The following ATXN1 variants were observed in gnomAD, a reference collection of about 807,000 sequenced individuals.
The protein encoded by ATXN1 is ataxin 1, also known as ataxin-1.
A neutral mutation model predicts 56.4 loss-of-function variants in ATXN1; 8 were observed. That is an observed-to-expected ratio of 0.14 (90% CI 0.08 to 0.26). The LOEUF is 0.26. Ranked by LOEUF, ATXN1 falls within the 10% of genes least tolerant of loss-of-function variation. The pLI, the probability that ATXN1 is intolerant of heterozygous loss-of-function variation, is 1.00. For synonymous variants in ATXN1, 514 were observed against 494.6 expected, an observed-to-expected ratio of 1.04 and a Z score of -0.52; for missense variants, 987 against 1,106.5, an observed-to-expected ratio of 0.89 and a Z score of 1.53.
At chr6:16,308,996 A>T (rs1247202258) in intron 7 of ATXN1, among the ~76,000 whole-genome samples, 1 of 151,914 alleles carries the variant, frequency 6.6e-6, no homozygotes, top group Non-Finnish European at 1.5e-5. Flanking sequence ...GGAGGCTGAG[A>T]CAGGGAGGAT....
chr6:16,317,577 G>A (rs1027370246), intron 7 of ATXN1, among the ~76,000 whole-genome samples: 1 of 151,992 alleles, frequency 6.6e-6, no homozygotes, highest in Non-Finnish European at 1.5e-5. Context: ...CACCCACCTC[G>A]GCCTCCCAAA....
chr6:16,308,613 C>G (rs191425124), intron 7 of ATXN1, among the ~76,000 whole-genome samples: 1 of 152,252 alleles, frequency 6.6e-6, no homozygotes, highest in Non-Finnish European at 1.5e-5. Context: ...TTAGAGGAGA[C>G]AGTGAACCAC....
At chr6:16,433,182 C>T (rs1349322057) in intron 6 of ATXN1, 1 of 152,088 alleles carries the variant, frequency 6.6e-6, no homozygotes, top group African/African-American at 2.4e-5. Context: ...TAGACAATGT[C>T]CTATAGCCAT....
intron 3 of ATXN1, among the ~76,000 whole-genome samples, chr6:16,601,686 T>C (rs1395393651): frequency 6.6e-6 from 1 of 151,916 alleles, no homozygotes; most frequent in African/African-American, 2.4e-5. Flanking sequence ...CCATCTCTAC[T>C]AAAAAATACA....
At chr6:16,516,161 T>G (rs1761179998) in intron 5 of ATXN1, among the ~76,000 whole-genome samples, 2 of 152,244 alleles carry the variant, frequency 1.3e-5, no homozygotes, top group South Asian at 4.1e-4. Context: ...TATGTTGTTA[T>G]TTTTATTAAT....
At chr6:16,518,755 A>G (rs1286370194) in intron 5 of ATXN1, among the ~76,000 whole-genome samples, 1 of 152,200 alleles carries the variant, frequency 6.6e-6, no homozygotes, top group South Asian at 2.1e-4. Context: ...CTCTTACTTA[A>G]TAGTCCAAAA....
At chr6:16,319,025 T>A (rs574862888) in intron 7 of ATXN1, among the ~76,000 whole-genome samples, 2 of 152,154 alleles carry the variant, frequency 1.3e-5, no homozygotes, top group South Asian at 4.1e-4. Flanking sequence ...AAGAGCAGCC[T>A]GGGCAACATG....
chr6:16,450,029 C>A (rs1190756387), intron 6 of ATXN1, among the ~76,000 whole-genome samples: 1 of 152,174 alleles, frequency 6.6e-6, no homozygotes, highest in Non-Finnish European at 1.5e-5. Flanking sequence ...ATTATGCTAA[C>A]AAAATTTTCC....
chr6:16,568,401 G>A (rs1251388147), intron 4 of ATXN1, among the ~76,000 whole-genome samples: 2 of 152,166 alleles, frequency 1.3e-5, no homozygotes, highest in African/African-American at 2.4e-5. Flanking sequence ...TTACATGCCC[G>A]GTACAGGCAG....
At chr6:16,608,636 G>C (rs1041604537) in intron 3 of ATXN1, among the ~76,000 whole-genome samples, 6 of 152,150 alleles carry the variant, frequency 3.9e-5, no homozygotes, top group African/African-American at 1.4e-4. Flanking sequence ...AGGGTGAATT[G>C]GGCACCACTC....
chr6:16,561,166 G>A (rs1225101520), intron 4 of ATXN1, among the ~76,000 whole-genome samples: 1 of 152,084 alleles, frequency 6.6e-6, no homozygotes, highest in African/African-American at 2.4e-5. Flanking sequence ...TATCCAGTAT[G>A]CAGTATATCT....
At chr6:16,519,141 A>T (rs1205544684) in intron 5 of ATXN1, among the ~76,000 whole-genome samples, 1 of 152,212 alleles carries the variant, frequency 6.6e-6, no homozygotes, top group Non-Finnish European at 1.5e-5. Context: ...TGTGAGCATT[A>T]GAGAAATTTT....
At chr6:16,729,345 G>A (rs943198294) in intron 2 of ATXN1, among the ~76,000 whole-genome samples, 5 of 152,216 alleles carry the variant, frequency 3.3e-5, no homozygotes, top group African/African-American at 1.2e-4. Flanking sequence ...AAGAGAAAAT[G>A]AGTCATGGAT....
At chr6:16,530,121 T>A (rs1321831676) in intron 4 of ATXN1, among the ~76,000 whole-genome samples, 1 of 152,176 alleles carries the variant, frequency 6.6e-6, no homozygotes, top group Non-Finnish European at 1.5e-5. Flanking sequence ...TTAAAACATA[T>A]AAATATAAAA....
intron 2 of ATXN1, among the ~76,000 whole-genome samples, chr6:16,664,345 T>A (rs1019165114): frequency 6.6e-6 from 1 of 152,208 alleles, no homozygotes; most frequent in Non-Finnish European, 1.5e-5. Flanking sequence ...TCTCTCTAAA[T>A]AAAGTATGGA....
intron 7 of ATXN1, among the ~76,000 whole-genome samples, chr6:16,322,406 G>A (rs1181922510): frequency 6.6e-6 from 1 of 150,530 alleles, no homozygotes; most frequent in Non-Finnish European, 1.5e-5. Context: ...GGGGTGTGAT[G>A]TTGGGGGGGT....
At chr6:16,594,015 G>A (rs931370170) in intron 3 of ATXN1, among the ~76,000 whole-genome samples, 1 of 148,188 alleles carries the variant, frequency 6.7e-6, no homozygotes, top group Non-Finnish European at 1.5e-5. Flanking sequence ...AGAGATAGAA[G>A]CTAATATACA....
At chr6:16,322,311 G>A (rs182664264) in intron 7 of ATXN1, among the ~76,000 whole-genome samples, 202 of 152,250 alleles carry the variant, frequency 1.3e-3, no homozygotes, top group Non-Finnish European at 2.1e-3. Flanking sequence ...GCAGCTCAGA[G>A]AGGTGAAGTA....
intron 2 of ATXN1, among the ~76,000 whole-genome samples, chr6:16,694,548 A>G (rs544813750): frequency 2.0e-5 from 3 of 152,348 alleles, no homozygotes; most frequent in Admixed American, 2.0e-4. Context: ...GCTAAACCGT[A>G]TTATGGTTGT....
Sources: allele counts gnomAD v4.1 joint callset (sites outside exome capture counted in the v4.1 genomes callset), GRCh38; gene constraint gnomAD v4.1.1; transcripts MANE v1.5; gene names NCBI Gene and HGNC (gene_info 2026-07-23, HGNC 2026-07-21).